HSD17B12: variants seen among roughly 807,000 people sequenced by gnomAD.
HSD17B12 encodes hydroxysteroid 17-beta dehydrogenase 12, also known as very-long-chain 3-oxoacyl-CoA reductase.
HSD17B12 carries 32 observed loss-of-function variants against 39.3 expected under a neutral mutation model. The ratio of observed to expected loss-of-function variants is 0.81; its 90% CI spans 0.61 to 1.09. The LOEUF is 1.09. Ranked by LOEUF, HSD17B12 falls within the 50% of genes least tolerant of loss-of-function variation. The pLI is 0.00. For missense variants in HSD17B12, 342 were observed against 382.9 expected (o/e 0.89, Z 0.89); for synonymous variants, 150 against 146.7 (o/e 1.02, Z -0.16).
chr11:43,583,537 C>T, the HSD17B12 span, among the ~76,000 whole-genome samples: 5 of 152,326 alleles, frequency 3.3e-5, no homozygotes, highest in African/African-American at 1.2e-4. Flanking sequence ...CCCTTCCCTT[C>T]ACAATAAGTG....
At position 43,854,780 on chromosome 11, in the gene HSD17B12, C is replaced by T. The variant is rs778090881; in HGVS notation, c.750C>T (p.Pro250=). ...TCCGGAAGCCAACTTTGGATAAGCC[C>T]TCTCCGGAGACGTTTGTGAAGTCTG... ...AKIRKPTLDK[P]SPETFVKSAI... Residue 250 remains proline, a synonymous_variant, in exon 10 of 11, where the codon CCC becomes CCT. Transcript: ENST00000278353. 1.2e-6 allele frequency: 2 copies of T among 1,614,112 alleles called. No individual in the cohort carries two copies. Among genetic ancestry groups the T allele is most frequent in the Non-Finnish European group, 1.7e-6 (2 of 1,179,996 alleles).
At chr11:43,639,062 A>G in the HSD17B12 span, among the ~76,000 whole-genome samples, 1 of 152,206 alleles carries the variant, frequency 6.6e-6, no homozygotes, top group Non-Finnish European at 1.5e-5. Flanking sequence ...TGAATCAAAG[A>G]TAAGATTTTT....
At chr11:43,803,959 G>GCATT (rs1950994750) in intron 4 of HSD17B12, among the ~76,000 whole-genome samples, 3 of 152,298 alleles carry the variant, frequency 2.0e-5, no homozygotes, top group Non-Finnish European at 4.4e-5. Flanking sequence ...CCTTAGGAGA[G>GCATT]ACTCTCATGT....
chr11:43,761,191 T>C (rs1375760883), intron 3 of HSD17B12, among the ~76,000 whole-genome samples: 2 of 152,236 alleles, frequency 1.3e-5, no homozygotes, highest in Non-Finnish European at 2.9e-5. Context: ...TACCATTAAA[T>C]GAAACATTTC....
the HSD17B12 span, among the ~76,000 whole-genome samples, chr11:43,601,993 C>G: frequency 6.6e-6 from 1 of 152,182 alleles, no homozygotes; most frequent in African/African-American, 2.4e-5. Flanking sequence ...TTTGAGCTTA[C>G]AGCTTTGGCC....
chr11:43,605,180 G>A, the HSD17B12 span, among the ~76,000 whole-genome samples: 2 of 152,290 alleles, frequency 1.3e-5, no homozygotes, highest in East Asian at 3.9e-4. Context: ...GTGGGCACTG[G>A]ACTGGAATTC....
chr11:43,718,150 C>T (rs952426607), intron 1 of HSD17B12, among the ~76,000 whole-genome samples: 34 of 152,102 alleles, frequency 2.2e-4, no homozygotes, highest in Non-Finnish European at 4.3e-4. Context: ...AGGACCAGCT[C>T]AGATTTAAGT....
intron 3 of HSD17B12, among the ~76,000 whole-genome samples, chr11:43,786,764 A>T (rs1251248088): frequency 6.6e-6 from 1 of 152,264 alleles, no homozygotes; most frequent in Admixed American, 6.5e-5. Context: ...GCAATATACC[A>T]GTAAGTTCTT....
At chr11:43,572,116 G>A in the HSD17B12 span, among the ~76,000 whole-genome samples, 1 of 152,134 alleles carries the variant, frequency 6.6e-6, no homozygotes, top group African/African-American at 2.4e-5. Context: ...ATTCTTCCCT[G>A]GACCATCTCA....
intron 3 of HSD17B12, among the ~76,000 whole-genome samples, chr11:43,778,043 G>T (rs997963722): frequency 1.6e-4 from 24 of 152,078 alleles, no homozygotes; most frequent in African/African-American, 5.8e-4. Flanking sequence ...AATGAATCCA[G>T]GAGCTGGTTT....
At chr11:43,587,215 G>A in the HSD17B12 span, among the ~76,000 whole-genome samples, 1 of 152,024 alleles carries the variant, frequency 6.6e-6, no homozygotes, top group East Asian at 1.9e-4. Context: ...TTGAGTTTCT[G>A]CACTATGTAT....
At chr11:43,840,483 C>T (rs1396225146) in intron 9 of HSD17B12, among the ~76,000 whole-genome samples, 5 of 152,052 alleles carry the variant, frequency 3.3e-5, no homozygotes, top group Admixed American at 3.3e-4. Context: ...CGTCCATCTC[C>T]AGAACTTTTT....
At chr11:43,619,394 C>CTTTTCT in the HSD17B12 span, among the ~76,000 whole-genome samples, 28 of 134,196 alleles carry the variant, frequency 2.1e-4, no homozygotes, top group South Asian at 5.8e-3. Context: ...TTTTTCTTTT[C>CTTTTCT]TTTTTTTTTT....
chr11:43,828,045 T>C (rs7942607), intron 6 of HSD17B12, among the ~76,000 whole-genome samples: 34,254 of 151,982 alleles, frequency 0.23, 4,118 homozygotes, highest in Middle Eastern at 0.37. Context: ...ACTGAAAATA[T>C]ATATGTATAT....
upstream of HSD17B12, among the ~76,000 whole-genome samples, chr11:43,680,071 C>CTT (rs66914646): frequency 6.8e-6 from 1 of 148,020 alleles, no homozygotes; most frequent in African/African-American, 2.5e-5. Context: ...TATTTCTTTT[C>CTT]TTTTTTTTTT....
intron 4 of HSD17B12, among the ~76,000 whole-genome samples, chr11:43,811,125 A>C (rs1951069603): frequency 6.6e-6 from 1 of 152,114 alleles, no homozygotes; most frequent in Non-Finnish European, 1.5e-5. Context: ...AATTCCCTGA[A>C]AGCTTTCTGC....
rs1238899607 is a variant in HSD17B12, at chr11:43,680,796, T to G, written c.-32T>G. 1.3e-6 allele frequency: 2 copies of G among 1,585,296 alleles called. No individual in the cohort carries two copies. The highest frequency in any genetic ancestry group is 1.7e-6 in the Non-Finnish European group (2 of 1,154,020). On this transcript the variant is annotated 5_prime_UTR_variant, in exon 1 of 11. Transcript: ENST00000278353. ...TGGATTCATTCACTCGCTCTTTTCATTCACGAAGGTAGTGAGGCCTAGTGG... is the reference window on the plus strand; with the variant it reads ...TGGATTCATTCACTCGCTCTTTTCAGTCACGAAGGTAGTGAGGCCTAGTGG...
In HSD17B12 at chr11:43,715,920, G is replaced by A. The variant is rs187957934; in HGVS notation, c.160+34933G>A. On this transcript the variant is annotated intron_variant, in intron 1 of 10. Transcript: ENST00000278353. The stretch of plus-strand genomic sequence containing the variant: ...CCTGCTAGGTGATAGGTGTATCTGG[G>A]ATTGAATTATGACTCTGATGGTGCA... Among the ~76,000 whole-genome samples, 186 of 152,238 alleles carry A rather than the reference G, an allele frequency of 1.2e-3. 1 individual carries two copies. Among genetic ancestry groups the A allele is most frequent in the African/African-American group, 4.3e-3 (178 of 41,528 alleles).
the HSD17B12 span, among the ~76,000 whole-genome samples, chr11:43,625,331 A>T: frequency 1.1e-4 from 16 of 151,702 alleles, no homozygotes; most frequent in African/African-American, 3.9e-4. Context: ...CTGTGGTAAC[A>T]TACTGGTCAT....
Sources: gnomAD v4.1 joint callset for allele counts (sites outside exome capture counted in the v4.1 genomes callset) on GRCh38, gnomAD v4.1.1 for gene constraint, MANE v1.5 for transcripts, NCBI Gene and HGNC (gene_info 2026-07-23, HGNC 2026-07-21) for gene names.